The following MRPS18C variants were observed in gnomAD, a reference collection of about 807,000 sequenced individuals.
The protein encoded by MRPS18C is mitochondrial ribosomal protein S18C.
Under a neutral mutation model 21.0 loss-of-function variants are expected in MRPS18C, and 21 were observed. The ratio of observed to expected loss-of-function variants is 1.00; its 90% CI spans 0.71 to 1.44. The LOEUF (loss-of-function observed/expected upper bound fraction) is 1.44. Ranked by LOEUF, MRPS18C falls within the 40% of genes most tolerant of loss-of-function variation. The pLI is 0.00. For synonymous variants in MRPS18C, 65 were observed against 54.3 expected (o/e 1.20, Z -0.87); for missense variants, 152 against 171.5 (o/e 0.89, Z 0.64).
At chr4:83,456,234 TA>T in intron 1 of MRPS18C, 57 bp downstream of exon 1, 1 of 1,452,412 alleles carries the variant, frequency 6.9e-7, no homozygotes, top group Non-Finnish European at 9.7e-7. Flanking sequence ...ACCTTAGTCC[TA>T]ATGGTTAGAG....
Position 83,456,195 on chromosome 4 carries a change from T to A in MRPS18C, c.100+18T>A, listed in dbSNP as rs749977196. 4 of 1,605,528 alleles carry A rather than the reference T, an allele frequency of 2.5e-6. No homozygotes were observed. In the East Asian group the frequency reaches 8.9e-5, roughly 36 times the overall value. The stretch of plus-strand genomic sequence containing the variant: ...TCACACGGGTAAAGTCTCCATATCC[T>A]ATGCTCCATTGTAGCGCTGCAGGCA... On this transcript the variant is annotated intron_variant, in intron 1 of 5. Coordinates refer to ENST00000295491, the MANE Select transcript of MRPS18C (RefSeq NM_016067.4).
At chr4:83,458,463 G>A in intron 3 of MRPS18C, 34 bp downstream of exon 3, 1 of 1,493,204 alleles carries the variant, frequency 6.7e-7, no homozygotes, top group Non-Finnish European at 9.2e-7. Context: ...ATATTTTAGG[G>A]TTTTGCTTCT....
At position 83,461,568 on chromosome 4, in the gene MRPS18C, T is replaced by C. The variant is rs1005229888; in HGVS notation, c.*371T>C. 2 of 309,712 alleles carry C rather than the reference T, an allele frequency of 6.5e-6. No homozygotes were observed. Among genetic ancestry groups the C allele is most frequent in the African/African-American group, 2.1e-5 (1 of 48,312 alleles). 19.2% of individuals were successfully genotyped at this position (309,712 alleles called of 1,614,324 possible). A position where few individuals can be genotyped will look rare whatever the true frequency, so the allele number is the denominator to read the frequency against. Reference sequence around the variant, plus strand: ...AGAAATGTTACATTGGGATGGATAGTGGTGCTGTCACAGAAGGACAAAATA... The same window carrying C: ...AGAAATGTTACATTGGGATGGATAGCGGTGCTGTCACAGAAGGACAAAATA... On this transcript the variant is annotated 3_prime_UTR_variant, in exon 6 of 6. Transcript: ENST00000295491.
In MRPS18C at chr4:83,462,192, C is replaced by A; in HGVS notation, c.*995C>A. 2 of 377,764 alleles carry A rather than the reference C, an allele frequency of 5.3e-6. No individual in the cohort carries two copies. Among genetic ancestry groups the A allele is most frequent in the Non-Finnish European group, 9.5e-6 (2 of 209,712 alleles). The allele number at this position is 377,764 out of a possible 1,614,324, so 23.4% of individuals were successfully genotyped here. ...ACAGGTGTGAGCCACTGTGCCTGGT[C>A]TCACTTTTCCAATTCTAAAGAATGT... On this transcript the variant is annotated 3_prime_UTR_variant, in exon 6 of 6. Coordinates refer to ENST00000295491, the MANE Select transcript of MRPS18C (RefSeq NM_016067.4).
intron 2 of MRPS18C, 70 bp from the exon 3 acceptor site, chr4:83,458,276 G>A: frequency 4.7e-6 from 5 of 1,061,868 alleles, no homozygotes; most frequent in South Asian, 1.3e-5. Flanking sequence ...GGATTTGAAT[G>A]TAGAATAGTA....
rs1721941812 is a variant in MRPS18C at position 83,458,328 on chromosome 4, T to C, written c.151-18T>C. 1 of 1,516,256 alleles carries C rather than the reference T, an allele frequency of 6.6e-7. No individual in the cohort carries two copies. Among genetic ancestry groups the C allele is most frequent in the Admixed American group, 1.7e-5 (1 of 57,574 alleles). The allele number at this position is 1,516,256 out of a possible 1,614,324, so 93.9% of individuals were successfully genotyped here. On this transcript the variant is annotated intron_variant, in intron 2 of 5. Coordinates refer to ENST00000295491, the MANE Select transcript of MRPS18C (RefSeq NM_016067.4). The stretch of plus-strand genomic sequence containing the variant: ...AATTAACACATCCTATTATCAGACT[T>C]TTCGTTTTTTTCCCTAGCCCATTTC...
chr4:83,459,106 A>G (rs1288678964), intron 3 of MRPS18C: 4 of 145,226 alleles, frequency 2.8e-5, no homozygotes, highest in Admixed American at 2.1e-4. Context: ...AGATCGTGCC[A>G]TTGCACTCCA....
At chr4:83,456,311 CTG>C (rs1396020482) in intron 1 of MRPS18C, 134 bp downstream of exon 1, 14 of 735,954 alleles carry the variant, frequency 1.9e-5, no homozygotes, top group Non-Finnish European at 3.2e-5. Flanking sequence ...GGGTGGGAAT[CTG>C]TAATTGCCTT....
chr4:83,459,661 G>C, intron 3 of MRPS18C, 79 bp from the exon 4 acceptor site: 1 of 1,259,918 alleles, frequency 7.9e-7, no homozygotes, highest in South Asian at 1.3e-5. Context: ...ATAACCTGAA[G>C]GTTGTTTTTT....
rs1201001604 is a variant in MRPS18C, at chr4:83,462,179, C to T, written c.*982C>T. On this transcript the variant is annotated 3_prime_UTR_variant, in exon 6 of 6. Coordinates refer to ENST00000295491, the MANE Select transcript of MRPS18C (RefSeq NM_016067.4). Reference sequence around the variant, plus strand: ...AAGTGCTGGGATTACAGGTGTGAGCCACTGTGCCTGGTCTCACTTTTCCAA... The same window carrying T: ...AAGTGCTGGGATTACAGGTGTGAGCTACTGTGCCTGGTCTCACTTTTCCAA... 2.9e-6 allele frequency: 1 copy of T among 349,170 alleles called. No homozygotes were observed. Among genetic ancestry groups the T allele is most frequent in the South Asian group, 4.7e-5 (1 of 21,098 alleles). 21.6% of individuals were successfully genotyped at this position (349,170 alleles called of 1,614,324 possible).
chr4:83,458,776 T>A, intron 3 of MRPS18C: 1 of 192,722 alleles, frequency 5.2e-6, no homozygotes, highest in Non-Finnish European at 1.0e-5. Flanking sequence ...TATCACTGAT[T>A]CACATATTAC....
At chr4:83,456,204 T>C (rs1343491049) in intron 1 of MRPS18C, 27 bp downstream of exon 1, 8 of 1,596,352 alleles carry the variant, frequency 5.0e-6, no homozygotes, top group Non-Finnish European at 6.0e-6. Context: ...CTATGCTCCA[T>C]TGTAGCGCTG....
In MRPS18C at chr4:83,461,101, C is replaced by T. The variant is rs1560569134; in HGVS notation, c.353-20C>T. On this transcript the variant is annotated intron_variant, in intron 5 of 5. Transcript: ENST00000295491. Reference sequence around the variant, plus strand: ...TTTGCTCATTATGTTTTGTCAAGAACTTTAATTATCTCTTTACAGGGTTTA... The same window carrying T: ...TTTGCTCATTATGTTTTGTCAAGAATTTTAATTATCTCTTTACAGGGTTTA... The T allele has an allele frequency of 1.2e-6, 2 of 1,612,936 alleles. No homozygotes were observed. The highest frequency in any genetic ancestry group is 3.3e-5 in the Admixed American group (2 of 59,998).
Position 83,456,105 on chromosome 4 carries a change from G to C in MRPS18C, c.28G>C (p.Gly10Arg). ...GGCCGCTGTGGTTGCTGTTTGCGGT[G>C]GTCTAGGGAGGAAGAAGTTGACACA... MAAVVAVCG[G>R]LGRKKLTHLV... The change falls in exon 1 of 6, where the codon GGT becomes CGT. Residue 10 changes from glycine (G) to arginine (R), a missense_variant. Coordinates refer to ENST00000295491, the MANE Select transcript of MRPS18C (RefSeq NM_016067.4). The C allele has an allele frequency of 6.2e-7, 1 of 1,612,836 alleles. No individual in the cohort carries two copies. The highest frequency in any genetic ancestry group is 8.5e-7 in the Non-Finnish European group (1 of 1,180,020).
rs1722135521 is a variant in MRPS18C at position 83,461,973 on chromosome 4, G to A, written c.*776G>A. The A allele has an allele frequency of 4.4e-6, 1 of 228,858 alleles. No homozygotes were observed. The highest frequency in any genetic ancestry group is 8.7e-6 in the Non-Finnish European group (1 of 115,396). 14.2% of individuals were successfully genotyped at this position (228,858 alleles called of 1,614,324 possible). A position where few individuals can be genotyped will look rare whatever the true frequency, so the allele number is the denominator to read the frequency against. On this transcript the variant is annotated 3_prime_UTR_variant, in exon 6 of 6. Transcript: ENST00000295491. ...CTAGCCATAATGTACTTCTAAAAAAGTATCACTTAAGGAGAATTTTAATGA... is the reference window on the plus strand; with the variant it reads ...CTAGCCATAATGTACTTCTAAAAAAATATCACTTAAGGAGAATTTTAATGA...
chr4:83,459,199 G>C (rs1381476162), intron 3 of MRPS18C: 2 of 125,072 alleles, frequency 1.6e-5, no homozygotes, highest in African/African-American at 3.4e-5. Context: ...AGTATAAAGT[G>C]ATAGCTGCCT....
In MRPS18C at chr4:83,461,439, T is replaced by A. The variant is rs1303021346; in HGVS notation, c.*242T>A. 4.3e-6 allele frequency: 2 copies of A among 463,148 alleles called. No homozygotes were observed. The highest frequency in any genetic ancestry group is 7.9e-6 in the Non-Finnish European group (2 of 252,302). The allele number at this position is 463,148 out of a possible 1,614,324, so 28.7% of individuals were successfully genotyped here. A position where few individuals can be genotyped will look rare whatever the true frequency, so the allele number is the denominator to read the frequency against. On this transcript the variant is annotated 3_prime_UTR_variant, in exon 6 of 6. Coordinates refer to ENST00000295491, the MANE Select transcript of MRPS18C (RefSeq NM_016067.4). The stretch of plus-strand genomic sequence containing the variant: ...TTGTCATTTATATCTGATCCCCAAA[T>A]AGCTCATACAATAATCCATTCAATA...
chr4:83,458,209 T>C, intron 2 of MRPS18C, 137 bp from the exon 3 acceptor site: 1 of 620,290 alleles, frequency 1.6e-6, no homozygotes, highest in Middle Eastern at 3.0e-4. Flanking sequence ...TAAAACAAAA[T>C]AAAGTGCTTA....
chr4:83,459,471 A>C (rs1482122565), intron 3 of MRPS18C: 1 of 310,364 alleles, frequency 3.2e-6, no homozygotes, highest in Non-Finnish European at 5.9e-6. Context: ...TATTTTAGAA[A>C]GGTATCTGTG....
Sources: allele counts gnomAD v4.1 joint callset, GRCh38; gene constraint gnomAD v4.1.1; transcripts MANE v1.5; gene names NCBI Gene and HGNC (gene_info 2026-07-23, HGNC 2026-07-21).